The following PATJ variants were observed in gnomAD, a reference collection of about 807,000 sequenced individuals.
The protein encoded by PATJ is PATJ crumbs cell polarity complex component, also known as inaD-like protein.
A neutral mutation model predicts 224.9 loss-of-function variants in PATJ; 190 were observed. The observed-to-expected ratio is 0.84, with a 90% CI of 0.75 to 0.95. The LOEUF (loss-of-function observed/expected upper bound fraction) is 0.95. PATJ is among the 40% of genes least tolerant of loss of function. The probability of loss-of-function intolerance (pLI) is 0.00; values close to 1 mark genes in which losing one functional copy is unlikely to be tolerated. For synonymous variants in PATJ, 769 were observed against 820.3 expected, an observed-to-expected ratio of 0.94 and a Z score of 1.07; for missense variants, 2,121 against 2,270.3, an observed-to-expected ratio of 0.93 and a Z score of 1.34.
At position 62,018,614 on chromosome 1, in the gene PATJ, A is replaced by G. The variant is rs1188257783; in HGVS notation, c.3959+667A>G. On this transcript the variant is annotated intron_variant, in intron 29 of 43. Transcript: ENST00000642238. This position sits in a 1 kb window ranked among gnomAD's most constrained non-coding sequence, Gnocchi z 4.2. ...TGAATTACTTTTAGGTCATGTACCT[A>G]ACCCTCTATGTTCACTGTAGCTCTG... 1.3e-5 allele frequency among the ~76,000 whole-genome samples: 2 copies of G among 152,342 alleles called. No individual in the cohort carries two copies. The highest frequency in any genetic ancestry group is 3.9e-4 in the East Asian group (2 of 5,184).
chr1:62,153,190 G>A (rs1451494286), intron 42 of PATJ, among the ~76,000 whole-genome samples, 168 bp from the exon 43 acceptor site: 2 of 152,184 alleles, frequency 1.3e-5, no homozygotes, highest in Non-Finnish European at 2.9e-5. Flanking sequence ...CATGACATGA[G>A]AAGTTAGAAA....
intron 33 of PATJ, among the ~76,000 whole-genome samples, chr1:62,087,676 C>A (rs1166079524): frequency 6.6e-6 from 1 of 151,330 alleles, no homozygotes; most frequent in Non-Finnish European, 1.5e-5. Flanking sequence ...GGCTTTGAGC[C>A]CCACCCTGCT....
chr1:61,876,009 G>A (rs956305328), intron 21 of PATJ, among the ~76,000 whole-genome samples: 1 of 152,086 alleles, frequency 6.6e-6, no homozygotes, highest in Non-Finnish European at 1.5e-5. Context: ...ATAGCACTGG[G>A]ATTTATAGAG....
intron 26 of PATJ, among the ~76,000 whole-genome samples, chr1:61,921,053 C>T (rs781177643): frequency 6.6e-6 from 1 of 152,062 alleles, no homozygotes; most frequent in Non-Finnish European, 1.5e-5. Context: ...TTTTCTCTTC[C>T]ACCTCAAGCT....
At chr1:61,938,378 G>A (rs941459578) in intron 27 of PATJ, among the ~76,000 whole-genome samples, 2 of 151,560 alleles carry the variant, frequency 1.3e-5, no homozygotes, top group Non-Finnish European at 2.9e-5. Flanking sequence ...AGGGTGGGGT[G>A]TTTAAAAAAA....
At chr1:61,902,226 G>GA (rs68061861) in intron 24 of PATJ, among the ~76,000 whole-genome samples, 12 of 144,022 alleles carry the variant, frequency 8.3e-5, no homozygotes, top group Middle Eastern at 6.9e-3. Flanking sequence ...CTCAAAGCAG[G>GA]AAAAAAAAAA....
At chr1:61,994,287 TAGTGATTGTAC>T (rs1432629936) in intron 28 of PATJ, among the ~76,000 whole-genome samples, 7 of 152,234 alleles carry the variant, frequency 4.6e-5, no homozygotes. Flanking sequence ...GCTTCCAGTC[TAGTGATTGTAC>T]AGCATCAACC....
chr1:61,855,612 G>A (rs149368966), intron 17 of PATJ, among the ~76,000 whole-genome samples: 15 of 152,172 alleles, frequency 9.9e-5, no homozygotes, highest in African/African-American at 3.1e-4. Flanking sequence ...ATGGGATTTC[G>A]TCATGTTGTC....
At chr1:61,818,177 A>G (rs1656537811) in intron 14 of PATJ, among the ~76,000 whole-genome samples, 2 of 152,240 alleles carry the variant, frequency 1.3e-5, no homozygotes, top group Admixed American at 6.5e-5. Context: ...GAAGGCCTCA[A>G]GCCTTCTTGA....
intron 8 of PATJ, among the ~76,000 whole-genome samples, chr1:61,789,761 G>T (rs1649387930): frequency 6.6e-6 from 1 of 152,030 alleles, no homozygotes; most frequent in African/African-American, 2.4e-5. Flanking sequence ...GCAGTGAGCC[G>T]AGATCCTTCC....
intron 15 of PATJ, among the ~76,000 whole-genome samples, chr1:61,827,021 A>G (rs1290730574): frequency 6.6e-6 from 1 of 152,186 alleles, no homozygotes; most frequent in African/African-American, 2.4e-5. Flanking sequence ...GCAAAGGGAA[A>G]CAGTCTTAAA....
intron 27 of PATJ, among the ~76,000 whole-genome samples, chr1:61,943,959 T>A (rs1678249751): frequency 6.6e-6 from 1 of 151,968 alleles, no homozygotes. Flanking sequence ...GCAAACAGGG[T>A]CTGGAGTGGA....
In PATJ at chr1:61,831,337, CTTAA is replaced by C. The variant is rs560773638; in HGVS notation, c.1981-2312_1981-2309del. ...CAAAAACAAAAATTGACAAGTGGGACTTAATTAAACCAAAGAACTTTTGCACAGC... is the reference window on the plus strand; with the variant it reads ...CAAAAACAAAAATTGACAAGTGGGACTTAAACCAAAGAACTTTTGCACAGC... On this transcript the variant is annotated intron_variant, in intron 16 of 43. Coordinates refer to ENST00000642238, the MANE Select transcript of PATJ (RefSeq NM_001350145.3). Among the ~76,000 whole-genome samples the C allele has an allele frequency of 9.2e-5, 14 of 152,042 alleles. No individual in the cohort carries two copies. The South Asian group carries it at 2.7e-3, about 29-fold the overall frequency.
At chr1:61,977,567 T>C (rs1046164324) in intron 27 of PATJ, among the ~76,000 whole-genome samples, 2 of 152,060 alleles carry the variant, frequency 1.3e-5, no homozygotes, top group African/African-American at 4.8e-5. Context: ...TTTAGGTGTT[T>C]TGTAGACGCG....
In PATJ at chr1:61,868,820, T is replaced by A. The variant is rs184080665; in HGVS notation, c.2835+4187T>A. Among the ~76,000 whole-genome samples the A allele has an allele frequency of 4.3e-3, 662 of 152,216 alleles. 2 individuals carry two copies. Among genetic ancestry groups the A allele is most frequent in the Non-Finnish European group, 4.9e-3 (330 of 68,020 alleles). On this transcript the variant is annotated intron_variant, in intron 20 of 43. Coordinates refer to ENST00000642238, the MANE Select transcript of PATJ (RefSeq NM_001350145.3). The stretch of plus-strand genomic sequence containing the variant: ...AAAAGTTGAATAAAATATTTCCTTA[T>A]AGATATATGTCTCGGAGAAAAAACT...
At chr1:62,115,986 C>A (rs1353774918) in intron 35 of PATJ, among the ~76,000 whole-genome samples, 1 of 152,156 alleles carries the variant, frequency 6.6e-6, no homozygotes, top group African/African-American at 2.4e-5. Flanking sequence ...GGGTGCAGAG[C>A]AACTGACAGA....
rs781480188 is a variant in PATJ, at chr1:62,084,551, C to T, written c.4280C>T (p.Thr1427Met). ...FQAPLSVDPA[T>M]CPIVPGQEMI... ...GCTCCTCTGTCAGTGGACCCCGCAA[C>T]GTGTCCCATTGTCCCTGGACAGGAA... Residue 1427 changes from threonine to methionine, a missense_variant, in exon 33 of 44, where the codon ACG becomes ATG. Transcript: ENST00000642238. 4.3e-6 allele frequency: 7 copies of T among 1,613,234 alleles called. No homozygotes were observed. Among genetic ancestry groups the T allele is most frequent in the Admixed American group, 3.3e-5 (2 of 59,892 alleles).
chr1:62,127,501 A>G (rs1423107093), intron 39 of PATJ, among the ~76,000 whole-genome samples: 1 of 151,576 alleles, frequency 6.6e-6, no homozygotes, highest in East Asian at 1.9e-4. Context: ...AAGACCCCAC[A>G]GCTAATTAAG....
At chr1:61,985,175 G>A (rs575334946) in intron 27 of PATJ, among the ~76,000 whole-genome samples, 1 of 152,174 alleles carries the variant, frequency 6.6e-6, no homozygotes, top group South Asian at 2.1e-4. Context: ...AGCTGGGCGC[G>A]GTGGCGCATG....
Sources: gnomAD v4.1 joint callset for allele counts (sites outside exome capture counted in the v4.1 genomes callset) on GRCh38, gnomAD v4.1.1 for gene constraint, Gnocchi (gnomAD v3.1) non-coding constraint, MANE v1.5 for transcripts, NCBI Gene and HGNC (gene_info 2026-07-23, HGNC 2026-07-21) for gene names.